Variants in RNF150 observed in about 807,000 individuals in gnomAD.
RNF150 encodes ring finger protein 150.
RNF150 carries 24 observed loss-of-function variants against 39.3 expected under a neutral mutation model. The observed-to-expected ratio is 0.61, with a 90% CI of 0.44 to 0.86. RNF150 has a LOEUF of 0.86. RNF150 is among the 40% of genes least tolerant of loss of function. The pLI is 0.00. For synonymous variants in RNF150, 255 were observed against 227.3 expected (o/e 1.12, Z -1.10); for missense variants, 502 against 587.8 (o/e 0.85, Z 1.51).
At chr4:140,920,132 G>C (rs936401463) in intron 5 of RNF150, among the ~76,000 whole-genome samples, 2 of 149,982 alleles carry the variant, frequency 1.3e-5, no homozygotes, top group Non-Finnish European at 3.0e-5. Flanking sequence ...CATGGGCAAG[G>C]ACTTCATGTC....
chr4:140,968,795 C>T (rs566798671), intron 1 of RNF150, among the ~76,000 whole-genome samples: 2 of 151,524 alleles, frequency 1.3e-5, no homozygotes, highest in East Asian at 3.9e-4. Flanking sequence ...AGTTCTGGGG[C>T]CCCTACAAGG....
chr4:140,933,147 C>A (rs1731716100), intron 4 of RNF150, among the ~76,000 whole-genome samples: 1 of 152,106 alleles, frequency 6.6e-6, no homozygotes, highest in South Asian at 2.1e-4. Flanking sequence ...GTACAACATG[C>A]ACAGTGACAG....
chr4:140,997,714 A>AGCC (rs1734431743), intron 1 of RNF150, among the ~76,000 whole-genome samples: 2 of 151,420 alleles, frequency 1.3e-5, no homozygotes, highest in African/African-American at 2.4e-5. Flanking sequence ...ACACACACAT[A>AGCC]TATGTGTGTA....
chr4:141,061,692 A>G (rs1008040770), intron 1 of RNF150, among the ~76,000 whole-genome samples: 1 of 152,202 alleles, frequency 6.6e-6, no homozygotes, highest in Non-Finnish European at 1.5e-5. Context: ...AGCCTTGCAA[A>G]TTTAGACTTA....
At chr4:141,161,570 G>T (rs900081237) in intron 1 of RNF150, among the ~76,000 whole-genome samples, 1 of 152,218 alleles carries the variant, frequency 6.6e-6, no homozygotes, top group African/African-American at 2.4e-5. Flanking sequence ...CCAAGACAAT[G>T]GGGAAAAGCC....
At chr4:141,031,869 A>C (rs1159320282) in intron 1 of RNF150, among the ~76,000 whole-genome samples, 1 of 152,108 alleles carries the variant, frequency 6.6e-6, no homozygotes, top group Non-Finnish European at 1.5e-5. Flanking sequence ...ACTATGATCT[A>C]GCAATCCCAT....
At chr4:141,073,663 C>CG (rs11432760) in intron 1 of RNF150, among the ~76,000 whole-genome samples, 34,695 of 116,228 alleles carry the variant, frequency 0.3, 4,141 homozygotes, top group Admixed American at 0.36. Flanking sequence ...ATATCAAGCT[C>CG]GGGGGGGGAA....
At chr4:141,011,120 A>C (rs576704250) in intron 1 of RNF150, among the ~76,000 whole-genome samples, 9 of 152,212 alleles carry the variant, frequency 5.9e-5, no homozygotes, top group Non-Finnish European at 1.2e-4. Flanking sequence ...ATAATGAAAA[A>C]ACTTAAAGTA....
chr4:141,104,431 G>A (rs1316637192), intron 1 of RNF150, among the ~76,000 whole-genome samples: 10 of 152,148 alleles, frequency 6.6e-5, no homozygotes, highest in Non-Finnish European at 1.3e-4. Context: ...GCAACTGATG[G>A]CAGAAGAAGA....
intron 1 of RNF150, among the ~76,000 whole-genome samples, chr4:141,087,948 T>C (rs918113264): frequency 6.6e-6 from 1 of 152,130 alleles, no homozygotes; most frequent in Non-Finnish European, 1.5e-5. Context: ...TGTCCCTTCA[T>C]TTGAGGACAT....
intron 6 of RNF150, among the ~76,000 whole-genome samples, chr4:140,892,000 C>A (rs999693911): frequency 9.9e-5 from 15 of 152,214 alleles, no homozygotes; most frequent in African/African-American, 2.9e-4. Context: ...TGGAAAAATT[C>A]TCTTCCAAGC....
At chr4:141,212,128 T>C (rs1346043913) in intron 1 of RNF150, among the ~76,000 whole-genome samples, 1 of 152,136 alleles carries the variant, frequency 6.6e-6, no homozygotes, top group African/African-American at 2.4e-5. Flanking sequence ...TGGAGACCAC[T>C]GGATGACTAT....
At chr4:141,000,280 A>C (rs572949600) in intron 1 of RNF150, among the ~76,000 whole-genome samples, 2 of 152,332 alleles carry the variant, frequency 1.3e-5, no homozygotes, top group African/African-American at 2.4e-5. Flanking sequence ...GCAGAGCAAA[A>C]TGTTATATGC....
chr4:141,072,620 C>G (rs1041667644), intron 1 of RNF150, among the ~76,000 whole-genome samples: 1 of 152,134 alleles, frequency 6.6e-6, no homozygotes, highest in African/African-American at 2.4e-5. Context: ...AAGGCAATCA[C>G]AAATATAATT....
chr4:140,904,755 A>G (rs1025790504), intron 6 of RNF150, among the ~76,000 whole-genome samples: 6 of 152,282 alleles, frequency 3.9e-5, no homozygotes, highest in African/African-American at 1.4e-4. Flanking sequence ...ATTCCCTGAA[A>G]AAGTCCTGAA....
At chr4:141,022,703 T>A (rs1371456352) in intron 1 of RNF150, among the ~76,000 whole-genome samples, 1 of 152,198 alleles carries the variant, frequency 6.6e-6, no homozygotes, top group Non-Finnish European at 1.5e-5. Flanking sequence ...GCTAAAATGT[T>A]GGAGAAAAAC....
intron 4 of RNF150, among the ~76,000 whole-genome samples, chr4:140,942,057 A>G (rs1269920467): frequency 1.3e-5 from 2 of 152,222 alleles, no homozygotes; most frequent in African/African-American, 2.4e-5. Flanking sequence ...GACGTTCTAG[A>G]GATGGACAGT....
upstream of RNF150, among the ~76,000 whole-genome samples, chr4:141,134,639 A>G (rs1020536964): frequency 1.3e-5 from 2 of 152,250 alleles, no homozygotes; most frequent in Non-Finnish European, 1.5e-5. Flanking sequence ...AGGCACAAGA[A>G]GAACTACTTA....
intron 2 of RNF150, among the ~76,000 whole-genome samples, chr4:140,951,719 C>T (rs932767108): frequency 3.9e-5 from 6 of 151,914 alleles, no homozygotes; most frequent in African/African-American, 1.2e-4. Context: ...TGAAGGACCC[C>T]GGGGCAAGGA....
Sources: allele counts gnomAD v4.1 joint callset (sites outside exome capture counted in the v4.1 genomes callset), GRCh38; gene constraint gnomAD v4.1.1; transcripts MANE v1.5; gene names NCBI Gene and HGNC (gene_info 2026-07-23, HGNC 2026-07-21).